The following LASP1 variants were observed in gnomAD, a reference collection of about 807,000 sequenced individuals.
LASP1 encodes LIM and SH3 domain protein 1.
LASP1 carries 10 observed loss-of-function variants against 38.6 expected under a neutral mutation model. That is an observed-to-expected ratio of 0.26 (90% CI 0.16 to 0.44). LASP1 has a LOEUF of 0.44. LASP1 is among the 20% of genes least tolerant of loss of function. The probability of loss-of-function intolerance (pLI) is 1.00; values close to 1 mark genes in which losing one functional copy is unlikely to be tolerated. For synonymous variants in LASP1, 132 were observed against 140.8 expected (o/e 0.94, Z 0.44); for missense variants, 243 against 375.7 (o/e 0.65, Z 2.92).
intron 1 of LASP1, among the ~76,000 whole-genome samples, chr17:38,872,870 C>T (rs1404884735): frequency 6.6e-6 from 1 of 152,192 alleles, no homozygotes; most frequent in African/African-American, 2.4e-5. Flanking sequence ...GAAGGCCACC[C>T]TGCCCCCAAC....
chr17:38,884,347 C>T (rs1217040633), intron 2 of LASP1, among the ~76,000 whole-genome samples: 1 of 150,908 alleles, frequency 6.6e-6, no homozygotes, highest in African/African-American at 2.4e-5. Flanking sequence ...TCTCCTGGGA[C>T]ACAGGGCCTC....
At chr17:38,885,418 C>T (rs1427224235) in intron 2 of LASP1, among the ~76,000 whole-genome samples, 1 of 152,208 alleles carries the variant, frequency 6.6e-6, no homozygotes, top group Non-Finnish European at 1.5e-5. Context: ...GCCTGTTTGC[C>T]CTGCCCTATC....
rs1452127416 is a variant in LASP1 at position 38,919,252 on chromosome 17, G to GA, written c.*474_*475insA. On this transcript the variant is annotated 3_prime_UTR_variant, in exon 7 of 7. Transcript: ENST00000318008. Reference sequence around the variant, plus strand: ...GCGATGGGGACTCTGCCGCTGTGTAGGGACCAGTGGGATGGGCTCTACCTC... The same window carrying GA: ...GCGATGGGGACTCTGCCGCTGTGTAGAGGACCAGTGGGATGGGCTCTACCTC... The GA allele has an allele frequency of 3.6e-4, 91 of 250,044 alleles. No homozygotes were observed. The highest frequency in any genetic ancestry group is 1.3e-3 in the Admixed American group (26 of 20,460). 15.5% of individuals were successfully genotyped at this position (250,044 alleles called of 1,614,324 possible).
intron 4 of LASP1, among the ~76,000 whole-genome samples, chr17:38,902,331 G>A (rs892365334): frequency 6.6e-6 from 1 of 150,434 alleles, no homozygotes; most frequent in Non-Finnish European, 1.5e-5. Context: ...AAAGTGCTGG[G>A]ATTATAGGGG....
At chr17:38,879,161 CT>C (rs55952948) in intron 2 of LASP1, among the ~76,000 whole-genome samples, 124 of 123,646 alleles carry the variant, frequency 1.0e-3, no homozygotes, top group Non-Finnish European at 9.7e-4. Context: ...TTTTAATTTG[CT>C]TTTTTTTTTT....
intron 4 of LASP1, among the ~76,000 whole-genome samples, chr17:38,900,068 C>T (rs1372853168): frequency 6.6e-6 from 1 of 151,594 alleles, no homozygotes; most frequent in Non-Finnish European, 1.5e-5. Flanking sequence ...TTGCAGGCCC[C>T]TATACACCCT....
chr17:38,907,995 G>C (rs925424371), intron 4 of LASP1, among the ~76,000 whole-genome samples: 1 of 152,220 alleles, frequency 6.6e-6, no homozygotes, highest in Admixed American at 6.5e-5. Flanking sequence ...CTAAGGATGA[G>C]GCATTGGTCT....
At chr17:38,873,560 A>T (rs1913670406) in intron 1 of LASP1, among the ~76,000 whole-genome samples, 1 of 152,208 alleles carries the variant, frequency 6.6e-6, no homozygotes, top group Non-Finnish European at 1.5e-5. Flanking sequence ...TATTTTATTT[A>T]CATCTCATTT....
chr17:38,874,098 C>T (rs1381691362), intron 1 of LASP1: 1 of 152,454 alleles, frequency 6.6e-6, no homozygotes, highest in Non-Finnish European at 1.5e-5. Flanking sequence ...TGAGAGGCCT[C>T]TAACAGGCAG....
At chr17:38,890,131 AC>A (rs1914262122) in intron 2 of LASP1, 1 of 375,492 alleles carries the variant, frequency 2.7e-6, no homozygotes, top group Non-Finnish European at 5.0e-6. Flanking sequence ...GTAACCTTCA[AC>A]CCTCAGAGAG....
Position 38,919,497 on chromosome 17 carries a change from A to G in LASP1, c.*719A>G, listed in dbSNP as rs1220477283. The G allele has an allele frequency of 4.1e-6, 1 of 243,100 alleles. No individual in the cohort carries two copies. Among genetic ancestry groups the G allele is most frequent in the East Asian group, 5.8e-5 (1 of 17,140 alleles). 15.1% of individuals were successfully genotyped at this position (243,100 alleles called of 1,614,324 possible). On this transcript the variant is annotated 3_prime_UTR_variant, in exon 7 of 7. Coordinates refer to ENST00000318008, the MANE Select transcript of LASP1 (RefSeq NM_006148.4). Reference sequence around the variant, plus strand: ...CTTGGGTCAGGTTCTTGCCTTTCTTAATTTTAGGGACAGCTACCGGAAGGA... The same window carrying G: ...CTTGGGTCAGGTTCTTGCCTTTCTTGATTTTAGGGACAGCTACCGGAAGGA...
intron 3 of LASP1, among the ~76,000 whole-genome samples, chr17:38,891,606 A>G (rs9895758): frequency 0.15 from 22,428 of 152,082 alleles, 2,667 homozygotes; most frequent in African/African-American, 0.33. Context: ...TGGAGGGCTC[A>G]GTGCTCCCGG....
intron 6 of LASP1, among the ~76,000 whole-genome samples, chr17:38,917,910 G>A (rs1214697964): frequency 1.3e-5 from 2 of 151,864 alleles, no homozygotes; most frequent in South Asian, 2.1e-4. Context: ...AGGCCGAGGC[G>A]AGCGGATCAC....
intron 6 of LASP1, among the ~76,000 whole-genome samples, chr17:38,917,679 TTC>T (rs1228678882): frequency 6.6e-6 from 1 of 151,916 alleles, no homozygotes; most frequent in Non-Finnish European, 1.5e-5. Flanking sequence ...GGCATGTTTT[TTC>T]TGTTTTTTTT....
chr17:38,875,342 G>A (rs1913738552), intron 1 of LASP1, among the ~76,000 whole-genome samples: 1 of 151,922 alleles, frequency 6.6e-6, no homozygotes, highest in Non-Finnish European at 1.5e-5. Context: ...GTCCCTGGTG[G>A]GTTCTGTGTG....
In LASP1 at chr17:38,886,986, G is replaced by A. The variant is rs539895013; in HGVS notation, c.165-3434G>A. Among the ~76,000 whole-genome samples, 9 of 152,262 alleles carry A rather than the reference G, an allele frequency of 5.9e-5. No individual in the cohort carries two copies. In the East Asian group the frequency reaches 9.7e-4, roughly 16 times the overall value. ...CTGGCTCAAGAAATCTGCCCTCCTT[G>A]GCCTCCCAAACTGCTGGGATTACAG... On this transcript the variant is annotated intron_variant, in intron 2 of 6. Coordinates refer to ENST00000318008, the MANE Select transcript of LASP1 (RefSeq NM_006148.4).
chr17:38,910,510 C>T (rs141268306), intron 4 of LASP1, among the ~76,000 whole-genome samples: 218 of 152,080 alleles, frequency 1.4e-3, no homozygotes, highest in Admixed American at 3.3e-3. Context: ...TCTTAGCAGC[C>T]GGCTGTGGGC....
intron 3 of LASP1, among the ~76,000 whole-genome samples, 195 bp from the exon 4 acceptor site, chr17:38,898,217 T>G (rs1914542163): frequency 6.6e-6 from 1 of 152,192 alleles, no homozygotes; most frequent in Non-Finnish European, 1.5e-5. Flanking sequence ...CACCAAAGAC[T>G]TGGTAGTGGC....
At chr17:38,909,492 A>G (rs1308019271) in intron 4 of LASP1, among the ~76,000 whole-genome samples, 1 of 152,226 alleles carries the variant, frequency 6.6e-6, no homozygotes, top group East Asian at 1.9e-4. Context: ...CTATAATCCC[A>G]GCTACTCAGG....
Sources: allele counts gnomAD v4.1 joint callset (sites outside exome capture counted in the v4.1 genomes callset), GRCh38; gene constraint gnomAD v4.1.1; transcripts MANE v1.5; gene names NCBI Gene and HGNC (gene_info 2026-07-23, HGNC 2026-07-21).